WNT6: variants seen among roughly 807,000 people sequenced by gnomAD.
The protein encoded by WNT6 is Wnt family member 6.
A neutral mutation model predicts 33.1 loss-of-function variants in WNT6; 27 were observed. The ratio of observed to expected loss-of-function variants is 0.82; its 90% CI spans 0.60 to 1.12. WNT6 has a LOEUF of 1.12. Ranked by LOEUF, WNT6 falls within the 50% of genes most tolerant of loss-of-function variation. The pLI, the probability that WNT6 is intolerant of heterozygous loss-of-function variation, is 0.00. For missense variants in WNT6, 494 were observed against 535.3 expected (o/e 0.92, Z 0.76); for synonymous variants, 249 against 242.8 (o/e 1.03, Z -0.24).
At position 218,867,624 on chromosome 2, in the gene WNT6, G is replaced by A. The variant is rs1207756578; in HGVS notation, c.81-3403G>A. 3.3e-5 allele frequency among the ~76,000 whole-genome samples: 5 copies of A among 152,190 alleles called. No homozygotes were observed. The highest frequency in any genetic ancestry group is 2.1e-4 in the South Asian group (1 of 4,830). Reference sequence around the variant, plus strand: ...CTATGCCCAGGAATGGCTGTTTGATGAGGATCCCAGATCCTATATATTGTG... The same window carrying A: ...CTATGCCCAGGAATGGCTGTTTGATAAGGATCCCAGATCCTATATATTGTG... On this transcript the variant is annotated intron_variant, in intron 1 of 3. Coordinates refer to ENST00000233948, the MANE Select transcript of WNT6 (RefSeq NM_006522.4). This position sits in a 1 kb window ranked among gnomAD's most constrained non-coding sequence, Gnocchi z 4.9.
chr2:218,862,880 T>C (rs528472301), intron 1 of WNT6, among the ~76,000 whole-genome samples: 1 of 149,818 alleles, frequency 6.7e-6, no homozygotes, highest in Non-Finnish European at 1.5e-5. Flanking sequence ...AAATTTTGTA[T>C]GTTTAGTAGA....
intron 1 of WNT6, among the ~76,000 whole-genome samples, chr2:218,870,135 C>A (rs564428519): frequency 2.6e-5 from 4 of 151,628 alleles, no homozygotes; most frequent in Non-Finnish European, 5.9e-5. Flanking sequence ...GCATGAGAAT[C>A]GCTTGAACCT....
At chr2:218,861,272 G>A (rs2106001332) in intron 1 of WNT6, among the ~76,000 whole-genome samples, 1 of 152,318 alleles carries the variant, frequency 6.6e-6, no homozygotes, top group East Asian at 1.9e-4. Flanking sequence ...CGGAAAGGGC[G>A]AACCGAGGAC....
chr2:218,873,251 G>C lies in WNT6; in HGVS notation c.637-133G>C, dbSNP rs572139877. On this transcript the variant is annotated intron_variant, in intron 3 of 3. Transcript: ENST00000233948. The surrounding 1 kb of genome is among the most constrained non-coding windows in gnomAD (Gnocchi z 6.1). ...TCCTTGATTTCCTCCCCCTGAACTTGCGGTCTCCTTTTGTCTGCATTTTCC... is the reference window on the plus strand; with the variant it reads ...TCCTTGATTTCCTCCCCCTGAACTTCCGGTCTCCTTTTGTCTGCATTTTCC... The C allele has an allele frequency of 1.2e-6, 1 of 850,734 alleles. No individual in the cohort carries two copies. The highest frequency in any genetic ancestry group is 2.8e-5 in the East Asian group (1 of 35,866). The allele number at this position is 850,734 out of a possible 1,614,324, so 52.7% of individuals were successfully genotyped here.
In WNT6 at chr2:218,871,968, T is replaced by C; in HGVS notation, c.636+149T>C. ...AGTGCGCACGGGCGGAAAGATGGGCTGCAAGCATGGATGGACATGTGGGAG... is the reference window on the plus strand; with the variant it reads ...AGTGCGCACGGGCGGAAAGATGGGCCGCAAGCATGGATGGACATGTGGGAG... On this transcript the variant is annotated intron_variant, in intron 3 of 3. Transcript: ENST00000233948. The surrounding 1 kb of genome is among the most constrained non-coding windows in gnomAD (Gnocchi z 6.4). 2 of 805,900 alleles carry C rather than the reference T, an allele frequency of 2.5e-6. No homozygotes were observed. The highest frequency in any genetic ancestry group is 3.5e-5 in the Admixed American group (1 of 28,286). 49.9% of individuals were successfully genotyped at this position (805,900 alleles called of 1,614,324 possible).
chr2:218,863,700 T>A (rs900421767), intron 1 of WNT6, among the ~76,000 whole-genome samples: 4 of 152,102 alleles, frequency 2.6e-5, no homozygotes, highest in African/African-American at 9.6e-5. Flanking sequence ...AATACAAAAA[T>A]TAGCCAGGAG....
At chr2:218,860,173 C>T in intron 1 of WNT6, 56 bp downstream of exon 1, 3 of 1,441,816 alleles carry the variant, frequency 2.1e-6, no homozygotes, top group Non-Finnish European at 2.8e-6. Context: ...GACCCCGGGA[C>T]CCAGGACAGA....
Position 218,873,150 on chromosome 2 carries a change from C to T in WNT6, c.637-234C>T, listed in dbSNP as rs553967595. 6.6e-6 allele frequency among the ~76,000 whole-genome samples: 1 copy of T among 152,258 alleles called. No homozygotes were observed. The highest frequency in any genetic ancestry group is 2.4e-5 in the African/African-American group (1 of 41,536). On this transcript the variant is annotated intron_variant, in intron 3 of 3. Transcript: ENST00000233948. This position sits in a 1 kb window ranked among gnomAD's most constrained non-coding sequence, Gnocchi z 6.1. ...GGAATCTCTGCGCTGCATATTGTCC[C>T]CGTCTCCCCTCTTCGTCATCATCAT...
rs1944359618 is a variant in WNT6 at position 218,867,001 on chromosome 2, C to T, written c.81-4026C>T. 6.6e-6 allele frequency among the ~76,000 whole-genome samples: 1 copy of T among 152,088 alleles called. No homozygotes were observed. The highest frequency in any genetic ancestry group is 2.4e-5 in the African/African-American group (1 of 41,414). ...TGGGGCCCAGGGAGGCTCCTTAGGG[C>T]AAGTGGGATCTGAGGTGAGTTTGGA... On this transcript the variant is annotated intron_variant, in intron 1 of 3. Coordinates refer to ENST00000233948, the MANE Select transcript of WNT6 (RefSeq NM_006522.4). The surrounding 1 kb of genome is among the most constrained non-coding windows in gnomAD (Gnocchi z 4.9).
At chr2:218,866,837 T>C (rs73993325) in intron 1 of WNT6, among the ~76,000 whole-genome samples, 2,974 of 152,288 alleles carry the variant, frequency 0.02, 84 homozygotes, top group African/African-American at 0.064. Context: ...CATGAGCTTA[T>C]TGTCTTCGAT....
At position 218,867,534 on chromosome 2, in the gene WNT6, C is replaced by T. The variant is rs190144676; in HGVS notation, c.81-3493C>T. 1.8e-3 allele frequency among the ~76,000 whole-genome samples: 277 copies of T among 152,368 alleles called. No individual in the cohort carries two copies. The highest frequency in any genetic ancestry group is 6.0e-3 in the African/African-American group (251 of 41,592). ...GCGCAGGCCAAGCCGGTTAGAATGA[C>T]CATCCATTGCCTTGTCCCTTCTTGT... On this transcript the variant is annotated intron_variant, in intron 1 of 3. Transcript: ENST00000233948. This position sits in a 1 kb window ranked among gnomAD's most constrained non-coding sequence, Gnocchi z 4.9.
chr2:218,864,355 G>T (rs1944335515), intron 1 of WNT6, among the ~76,000 whole-genome samples: 1 of 152,084 alleles, frequency 6.6e-6, no homozygotes, highest in African/African-American at 2.4e-5. Context: ...TGCCACCCGG[G>T]TTCAAGTGAT....
In WNT6 at chr2:218,871,369, C is replaced by A; in HGVS notation, c.302-116C>A. 6.8e-7 allele frequency: 1 copy of A among 1,476,932 alleles called. No individual in the cohort carries two copies. The highest frequency in any genetic ancestry group is 9.2e-7 in the Non-Finnish European group (1 of 1,089,294). 91.5% of individuals were successfully genotyped at this position (1,476,932 alleles called of 1,614,324 possible). A position where few individuals can be genotyped will look rare whatever the true frequency, so the allele number is the denominator to read the frequency against. ...TTCCCCCTCACATGTGTCTGGGCAC[C>A]CTGCAAGGACCCTGCCTCCCAGGCC... On this transcript the variant is annotated intron_variant, in intron 2 of 3. Coordinates refer to ENST00000233948, the MANE Select transcript of WNT6 (RefSeq NM_006522.4). The surrounding 1 kb of genome is among the most constrained non-coding windows in gnomAD (Gnocchi z 6.4).
intron 1 of WNT6, among the ~76,000 whole-genome samples, chr2:218,869,565 C>T (rs974756251): frequency 6.6e-6 from 1 of 152,142 alleles, no homozygotes; most frequent in Non-Finnish European, 1.5e-5. Flanking sequence ...GGACCCCTAC[C>T]CCCACCCTGT....
rs1944289643 is a variant in WNT6, at chr2:218,859,886, G to T, written c.-152G>T. 2 of 395,596 alleles carry T rather than the reference G, an allele frequency of 5.1e-6. No individual in the cohort carries two copies. Among genetic ancestry groups the T allele is most frequent in the East Asian group, 2.1e-4 (2 of 9,520 alleles). The allele number at this position is 395,596 out of a possible 1,614,324, so 24.5% of individuals were successfully genotyped here. On this transcript the variant is annotated 5_prime_UTR_variant, in exon 1 of 4. Coordinates refer to ENST00000233948, the MANE Select transcript of WNT6 (RefSeq NM_006522.4). ...CGCCTCCGCCGCGCCCTCCTCGCCCGGGATGGGCCCCCCCGCCGCCGCCGG... is the reference window on the plus strand; with the variant it reads ...CGCCTCCGCCGCGCCCTCCTCGCCCTGGATGGGCCCCCCCGCCGCCGCCGG...
At chr2:218,870,432 G>A (rs1177273717) in intron 1 of WNT6, among the ~76,000 whole-genome samples, 1 of 152,122 alleles carries the variant, frequency 6.6e-6, no homozygotes, top group Non-Finnish European at 1.5e-5. Context: ...AGAAACCTGG[G>A]CTATGGAGAG....
chr2:218,871,743 T>TGGACGCGCGGCACAAGCGG lies in WNT6; in HGVS notation c.568_586dup (p.Gly196AlafsTer123), dbSNP rs1164324388. 6.2e-7 allele frequency: 1 copy of TGGACGCGCGGCACAAGCGG among 1,602,720 alleles called. No homozygotes were observed. Among genetic ancestry groups the TGGACGCGCGGCACAAGCGG allele is most frequent in the Non-Finnish European group, 8.5e-7 (1 of 1,175,696 alleles). On this transcript the variant is annotated frameshift_variant, in exon 3 of 4. Transcript: ENST00000233948. LOFTEE classifies it high-confidence loss of function. The surrounding 1 kb of genome is among the most constrained non-coding windows in gnomAD (Gnocchi z 6.4). Reference sequence around the variant, plus strand: ...GGGGACGAGAAGTCGAGGCTCTTTATGGACGCGCGGCACAAGCGGGGACGC... The same window carrying TGGACGCGCGGCACAAGCGG: ...GGGGACGAGAAGTCGAGGCTCTTTATGGACGCGCGGCACAAGCGGGGACGCGCGGCACAAGCGGGGACGC...
chr2:218,860,868 G>C (rs979426292), intron 1 of WNT6, among the ~76,000 whole-genome samples: 1 of 149,766 alleles, frequency 6.7e-6, no homozygotes, highest in East Asian at 2.0e-4. Flanking sequence ...CGAAGGTTGC[G>C]GGAGCTTCGA....
At chr2:218,866,052 G>GCAGGA (rs1944351888) in intron 1 of WNT6, among the ~76,000 whole-genome samples, 1 of 142,628 alleles carries the variant, frequency 7.0e-6, no homozygotes, top group Non-Finnish European at 1.5e-5. Context: ...GTTAGACAGA[G>GCAGGA]CAGGACAGGA....
Sources: allele counts gnomAD v4.1 joint callset (sites outside exome capture counted in the v4.1 genomes callset), GRCh38; gene constraint gnomAD v4.1.1; non-coding constraint Gnocchi (gnomAD v3.1); transcripts MANE v1.5; gene names NCBI Gene and HGNC (gene_info 2026-07-23, HGNC 2026-07-21).